Variants in SPATA6L observed in about 807,000 individuals in gnomAD.
SPATA6L encodes the protein spermatogenesis associated 6-like protein.
A neutral mutation model predicts 49.2 loss-of-function variants in SPATA6L; 68 were observed. The observed-to-expected ratio is 1.38, with a 90% confidence interval of 1.14 to 1.69. The LOEUF is 1.69. Among genes scored for constraint, SPATA6L ranks in the 40% most tolerant of loss-of-function variants. The pLI is 0.00. For missense variants in SPATA6L, 668 were observed against 464.3 expected (o/e 1.44, Z -4.03); for synonymous variants, 198 against 165.7 (o/e 1.19, Z -1.50).
downstream of SPATA6L, among the ~76,000 whole-genome samples, chr9:4,593,902 T>G (rs545362413): frequency 2.0e-5 from 3 of 152,262 alleles, no homozygotes; most frequent in East Asian, 5.8e-4. Context: ...CCTCAAATAT[T>G]TGTGGAATAA....
chr9:4,651,146 G>A (rs958238810), intron 3 of SPATA6L, among the ~76,000 whole-genome samples: 7 of 152,012 alleles, frequency 4.6e-5, no homozygotes, highest in Admixed American at 3.9e-4. Context: ...AATACCACAG[G>A]CACATGCCAC....
intron 2 of SPATA6L, among the ~76,000 whole-genome samples, chr9:4,659,510 A>C (rs6476888): frequency 0.61 from 91,190 of 150,486 alleles, 28,999 homozygotes; most frequent in African/African-American, 0.81. Flanking sequence ...CAAACCACTG[A>C]TCAACAAAAT....
At chr9:4,659,695 A>C (rs1839155276) in intron 2 of SPATA6L, among the ~76,000 whole-genome samples, 1 of 152,176 alleles carries the variant, frequency 6.6e-6, no homozygotes, top group African/African-American at 2.4e-5. Flanking sequence ...GTTCATATGG[A>C]ACCAAAAAAG....
chr9:4,655,878 T>C (rs1587486795), intron 3 of SPATA6L, among the ~76,000 whole-genome samples, 163 bp downstream of exon 3: 1 of 152,300 alleles, frequency 6.6e-6, no homozygotes, highest in South Asian at 2.1e-4. Flanking sequence ...GAAAAGGGTA[T>C]GTAACAGAAT....
chr9:4,618,411 GTAACTT>G, intron 8 of SPATA6L, among the ~76,000 whole-genome samples: 1 of 152,236 alleles, frequency 6.6e-6, no homozygotes, highest in South Asian at 2.1e-4. Context: ...TGGGAAAAAT[GTAACTT>G]TAACAAAATA....
intron 3 of SPATA6L, chr9:4,646,347 G>A (rs957065654): frequency 5.1e-5 from 23 of 450,468 alleles, no homozygotes; most frequent in Middle Eastern, 3.9e-4. Flanking sequence ...AAAAAGGCAT[G>A]TGTTATATAA....
At chr9:4,602,933 G>C (rs1440620967) in intron 11 of SPATA6L, among the ~76,000 whole-genome samples, 2 of 152,170 alleles carry the variant, frequency 1.3e-5, no homozygotes, top group African/African-American at 4.8e-5. Flanking sequence ...TAATACATGT[G>C]AAGTATGTGT....
chr9:4,607,429 G>C (rs1825562856), intron 9 of SPATA6L, among the ~76,000 whole-genome samples: 1 of 152,168 alleles, frequency 6.6e-6, no homozygotes, highest in African/African-American at 2.4e-5. Flanking sequence ...AAGCCCATCA[G>C]ACTAACAGCG....
intron 1 of SPATA6L, chr9:4,663,416 C>G (rs1217596707): frequency 3.7e-6 from 3 of 817,324 alleles, no homozygotes; most frequent in Admixed American, 2.5e-5. Flanking sequence ...TGCTGCTAGG[C>G]TGGAGCACAC....
chr9:4,620,045 G>C (rs983122084), intron 7 of SPATA6L, among the ~76,000 whole-genome samples: 9 of 152,146 alleles, frequency 5.9e-5, no homozygotes, highest in Admixed American at 2.6e-4. Context: ...TATAAAAAGA[G>C]ATTTTTAAAG....
intron 9 of SPATA6L, among the ~76,000 whole-genome samples, chr9:4,609,404 C>T (rs990349096): frequency 6.6e-6 from 1 of 152,186 alleles, no homozygotes; most frequent in African/African-American, 2.4e-5. Flanking sequence ...CCAAAAAATA[C>T]TGGCAAAACG....
chr9:4,603,377 C>T (rs1823850980), intron 11 of SPATA6L, among the ~76,000 whole-genome samples: 1 of 152,152 alleles, frequency 6.6e-6, no homozygotes, highest in African/African-American at 2.4e-5. Flanking sequence ...TTGCAGTGAA[C>T]CAAGATTGCG....
In SPATA6L at chr9:4,606,769, C is replaced by T. The variant is rs537951697; in HGVS notation, c.996-1329G>A. The stretch of plus-strand genomic sequence containing the variant: ...CCTCCAAAGGAATGCAGTTCCTCAC[C>T]AGCAATGGAACAAAGCTGGACGGAG... On this transcript the variant is annotated intron_variant, in intron 9 of 11. Coordinates refer to ENST00000682582, the MANE Select transcript of SPATA6L (RefSeq NM_001353486.2). 4.5e-4 allele frequency among the ~76,000 whole-genome samples: 67 copies of T among 147,724 alleles called. 3 individuals carry two copies. The highest frequency in any genetic ancestry group is 1.6e-3 in the African/African-American group (63 of 39,194).
At chr9:4,653,371 T>C (rs990409949) in intron 3 of SPATA6L, among the ~76,000 whole-genome samples, 5 of 152,162 alleles carry the variant, frequency 3.3e-5, no homozygotes, top group African/African-American at 7.2e-5. Flanking sequence ...GTATAAATCA[T>C]CTAGATGTAA....
chr9:4,639,522 G>A lies in SPATA6L; in HGVS notation c.227-4123C>T, dbSNP rs545088524. Among the ~76,000 whole-genome samples the A allele has an allele frequency of 6.6e-5, 10 of 152,340 alleles. No individual in the cohort carries two copies. In the East Asian group the frequency reaches 1.3e-3, roughly 21 times the overall value. On this transcript the variant is annotated intron_variant, in intron 3 of 11. Coordinates refer to ENST00000682582, the MANE Select transcript of SPATA6L (RefSeq NM_001353486.2). The stretch of plus-strand genomic sequence containing the variant: ...AGCTTCTCAAGACAGTCTCTCTGGT[G>A]TGGTCATTTTCTAGAAATCCAAACT...
At chr9:4,591,668 T>A (rs921416305) in intron 13 of SPATA6L, among the ~76,000 whole-genome samples, 1 of 152,182 alleles carries the variant, frequency 6.6e-6, no homozygotes, top group Non-Finnish European at 1.5e-5. Context: ...CAACTTCACA[T>A]GAATCACAAA....
At chr9:4,617,793 A>C (rs1409933434) in intron 9 of SPATA6L, 130 bp downstream of exon 9, 1 of 723,612 alleles carries the variant, frequency 1.4e-6, no homozygotes, top group African/African-American at 1.8e-5. Flanking sequence ...AAAAGAAATA[A>C]TCATTTTTTC....
chr9:4,596,646 C>T (rs774127325), downstream of SPATA6L: 2 of 152,224 alleles, frequency 1.3e-5, no homozygotes, highest in Non-Finnish European at 2.9e-5. Context: ...CAGAAAGCCT[C>T]TCTTGTTGGC....
rs892705308 is a variant in SPATA6L, at chr9:4,650,533, T to C, written c.226+5508A>G. Among the ~76,000 whole-genome samples, 4 of 152,272 alleles carry C rather than the reference T, an allele frequency of 2.6e-5. No homozygotes were observed. In the South Asian group the frequency reaches 8.3e-4, roughly 32 times the overall value. ...AAAATCAATACATCTAAAAGTTGGT[T>C]GTTTAAAATGATCAATAAAACTGAC... On this transcript the variant is annotated intron_variant, in intron 3 of 11. Transcript: ENST00000682582.
Sources: allele counts gnomAD v4.1 joint callset (sites outside exome capture counted in the v4.1 genomes callset), GRCh38; gene constraint gnomAD v4.1.1; transcripts MANE v1.5; gene names NCBI Gene and HGNC (gene_info 2026-07-23, HGNC 2026-07-21).